Variants in CHST9 observed in about 807,000 individuals in gnomAD.
CHST9 encodes the protein carbohydrate sulfotransferase 9, also known as GalNAc-4-sulfotransferase 2.
A neutral mutation model predicts 44.4 loss-of-function variants in CHST9; 41 were observed. That is an observed-to-expected ratio of 0.92 (90% CI 0.72 to 1.20). The LOEUF (loss-of-function observed/expected upper bound fraction) is 1.20. Ranked by LOEUF, CHST9 falls within the 50% of genes most tolerant of loss-of-function variation. The probability of loss-of-function intolerance (pLI) is 0.00; values close to 1 mark genes in which losing one functional copy is unlikely to be tolerated. For missense variants in CHST9, 504 were observed against 516.5 expected, an observed-to-expected ratio of 0.98 and a Z score of 0.23; for synonymous variants, 171 against 178.4, an observed-to-expected ratio of 0.96 and a Z score of 0.33.
At chr18:26,932,545 A>T (rs968761317) in intron 5 of CHST9, among the ~76,000 whole-genome samples, 2 of 141,112 alleles carry the variant, frequency 1.4e-5, no homozygotes, top group African/African-American at 6.4e-5. Context: ...TAGCTGGATC[A>T]GGGGTGAAGG....
At chr18:26,964,924 G>A (rs979601880) in intron 4 of CHST9, among the ~76,000 whole-genome samples, 1 of 152,178 alleles carries the variant, frequency 6.6e-6, no homozygotes, top group African/African-American at 2.4e-5. Context: ...GAAGATGGGA[G>A]GTCTTTCTGC....
intron 2 of CHST9, among the ~76,000 whole-genome samples, chr18:27,053,218 G>GGAAGAAGAAGAAGAAGAAGAAGAA (rs1198842599): frequency 0.018 from 586 of 32,338 alleles, 77 homozygotes; most frequent in Middle Eastern, 0.052. Context: ...AGGAGGAAGA[G>GGAAGAAGAAGAAGAAGAAGAAGAA]GAAGAAGAAG....
intron 2 of CHST9, among the ~76,000 whole-genome samples, chr18:27,069,777 G>A (rs1170445330): frequency 6.6e-6 from 1 of 152,072 alleles, no homozygotes; most frequent in African/African-American, 2.4e-5. Context: ...TGTGAAAACC[G>A]ATTTGGGGGC....
At chr18:27,042,780 T>G (rs756641761) in intron 3 of CHST9, among the ~76,000 whole-genome samples, 20 of 151,842 alleles carry the variant, frequency 1.3e-4, no homozygotes, top group Non-Finnish European at 1.9e-4. Context: ...TCTATCTCTC[T>G]CTCTCTCTCC....
intron 4 of CHST9, among the ~76,000 whole-genome samples, chr18:26,983,561 T>C (rs924117396): frequency 3.9e-5 from 6 of 152,194 alleles, no homozygotes; most frequent in Non-Finnish European, 7.4e-5. Flanking sequence ...GCTTCGTGTA[T>C]AGCCTGCAGA....
chr18:27,167,595 A>G (rs1194276799), intron 1 of CHST9, among the ~76,000 whole-genome samples: 1 of 152,230 alleles, frequency 6.6e-6, no homozygotes, highest in Non-Finnish European at 1.5e-5. Context: ...TTACACAGGC[A>G]GTGTTTAGGT....
At chr18:27,168,861 G>A (rs1371011444) in intron 1 of CHST9, among the ~76,000 whole-genome samples, 1 of 152,192 alleles carries the variant, frequency 6.6e-6, no homozygotes, top group Non-Finnish European at 1.5e-5. Context: ...TGTAAAGGGA[G>A]ATTACCCTGG....
Position 26,915,248 on chromosome 18 carries a change from T to C in CHST9, c.*1011A>G. The C allele has an allele frequency of 3.0e-6, 1 of 338,064 alleles. No homozygotes were observed. The allele number at this position is 338,064 out of a possible 1,614,324, so 20.9% of individuals were successfully genotyped here. A position where few individuals can be genotyped will look rare whatever the true frequency, so the allele number is the denominator to read the frequency against. On this transcript the variant is annotated 3_prime_UTR_variant, in exon 6 of 6. Coordinates refer to ENST00000618847, the MANE Select transcript of CHST9 (RefSeq NM_031422.6). ...ATAACCTATCTTTGAAGTGGTATAT[T>C]AGTTTTTAAAAAGTCATTCCTAAGC...
intron 4 of CHST9, among the ~76,000 whole-genome samples, chr18:27,023,184 A>C (rs2057245602): frequency 1.3e-5 from 2 of 152,212 alleles, no homozygotes; most frequent in African/African-American, 4.8e-5. Flanking sequence ...AAGAAAATGG[A>C]ATAATATATC....
chr18:27,000,173 C>A (rs369528092), intron 4 of CHST9, among the ~76,000 whole-genome samples: 94 of 152,266 alleles, frequency 6.2e-4, no homozygotes, highest in African/African-American at 2.1e-3. Flanking sequence ...AGATATCCAC[C>A]CCGGTTTTCA....
intron 2 of CHST9, among the ~76,000 whole-genome samples, chr18:27,088,841 G>A (rs1436345905): frequency 6.6e-6 from 1 of 152,178 alleles, no homozygotes; most frequent in Non-Finnish European, 1.5e-5. Context: ...CTGCCAGACA[G>A]GGTTTCACAT....
chr18:27,163,323 G>A (rs190496532), intron 1 of CHST9, among the ~76,000 whole-genome samples: 107 of 152,298 alleles, frequency 7.0e-4, no homozygotes, highest in Middle Eastern at 3.4e-3. Context: ...TAGGAGAACC[G>A]CTACTCTCTT....
At chr18:27,080,953 A>G (rs2057954675) in intron 2 of CHST9, among the ~76,000 whole-genome samples, 1 of 152,180 alleles carries the variant, frequency 6.6e-6, no homozygotes, top group Admixed American at 6.5e-5. Flanking sequence ...TGGAATTTAG[A>G]AGAAAAATCA....
chr18:27,079,240 T>C (rs1262760180), intron 2 of CHST9, among the ~76,000 whole-genome samples: 2 of 152,232 alleles, frequency 1.3e-5, no homozygotes, highest in East Asian at 1.9e-4. Context: ...ACTGTCTTTT[T>C]ACTCTAAATT....
rs529570905 is a variant in CHST9 at position 26,988,061 on chromosome 18, C to CAAA, written c.202+36052_202+36054dup. Among the ~76,000 whole-genome samples, 1,374 of 150,364 alleles carry CAAA rather than the reference C, an allele frequency of 9.1e-3. 18 individuals are homozygous for CAAA. Among genetic ancestry groups the CAAA allele is most frequent in the African/African-American group, 0.032 (1,312 of 41,038 alleles). Reference sequence around the variant, plus strand: ...TGCATATCTACCCTAAAAGAATGACCAAAAAAAATAACCTAACAAAAGAAA... The same window carrying CAAA: ...TGCATATCTACCCTAAAAGAATGACCAAAAAAAAAAATAACCTAACAAAAGAAA... On this transcript the variant is annotated intron_variant, in intron 4 of 5. Transcript: ENST00000618847.
In CHST9 at chr18:26,908,866, C is replaced by T. The variant is rs1239445879; in HGVS notation, c.*7393G>A. On this transcript the variant is annotated 3_prime_UTR_variant, in exon 6 of 6. Transcript: ENST00000618847. ...GGGGCACTTGCTCTCAAACTAATAA[C>T]CAAATAGCAAATATTTTCCATTTTC... 1.3e-5 allele frequency: 2 copies of T among 151,422 alleles called. No homozygotes were observed. The highest frequency in any genetic ancestry group is 2.4e-5 in the African/African-American group (1 of 41,436). 9.4% of individuals were successfully genotyped at this position (151,422 alleles called of 1,614,324 possible).
chr18:27,048,500 C>T lies in CHST9; in HGVS notation c.125G>A (p.Arg42Lys), dbSNP rs199567643. 168 of 1,604,744 alleles carry T rather than the reference C, an allele frequency of 1.0e-4. No individual in the cohort carries two copies. In the East Asian group the frequency reaches 2.0e-3, roughly 19 times the overall value. ...QVWIEEQHTG[R>K]VEKRREQKVT... ...TTTTTGTTCTCTTCTCTTCTCCACTCTCCCTGAAATGAGAAGTGGAAGATA... is the reference window on the plus strand; with the variant it reads ...TTTTTGTTCTCTTCTCTTCTCCACTTTCCCTGAAATGAGAAGTGGAAGATA... Residue 42 changes from arginine to lysine, a missense_variant, in exon 3 of 6, where the codon AGA becomes AAA. Arg to Lys is a conservative substitution (Grantham distance 26). Coordinates refer to ENST00000618847, the MANE Select transcript of CHST9 (RefSeq NM_031422.6).
chr18:27,071,597 T>G (rs139017702), intron 2 of CHST9, among the ~76,000 whole-genome samples: 2,273 of 152,346 alleles, frequency 0.015, 34 homozygotes, highest in South Asian at 0.033. Context: ...GTTGCATTCC[T>G]CTAAGTGGTA....
chr18:27,039,002 G>T (rs2143523944), intron 3 of CHST9, among the ~76,000 whole-genome samples: 1 of 152,110 alleles, frequency 6.6e-6, no homozygotes, highest in Middle Eastern at 3.4e-3. Context: ...ATTGGATATT[G>T]CTGATCCAGA....
Sources: allele counts gnomAD v4.1 joint callset (sites outside exome capture counted in the v4.1 genomes callset), GRCh38; gene constraint gnomAD v4.1.1; transcripts MANE v1.5; gene names NCBI Gene and HGNC (gene_info 2026-07-23, HGNC 2026-07-21).